PEX13: variants seen among roughly 807,000 people sequenced by gnomAD.
PEX13 encodes the protein peroxisome biogenesis factor 13.
In PEX13, 28 loss-of-function variants were observed where a neutral mutation model predicts 34.5. The ratio of observed to expected loss-of-function variants is 0.81; its 90% confidence interval spans 0.60 to 1.11. PEX13 has a LOEUF of 1.11. PEX13 is among the 50% of genes most tolerant of loss of function. The probability of loss-of-function intolerance (pLI) is 0.00; values close to 1 mark genes in which losing one functional copy is unlikely to be tolerated. For synonymous variants in PEX13, 177 were observed against 175.1 expected (o/e 1.01, Z -0.09); for missense variants, 550 against 491.0 (o/e 1.12, Z -1.13).
chr2:61,048,954 T>C lies in PEX13; in HGVS notation c.*184T>C. 1 of 601,610 alleles carries C rather than the reference T, an allele frequency of 1.7e-6. No individual in the cohort carries two copies. 37.3% of individuals were successfully genotyped at this position (601,610 alleles called of 1,614,324 possible). ...GGTCTGGTGACCTGGTTACATTTTA[T>C]TATACACATTATTGGACCATAAGGA... On this transcript the variant is annotated 3_prime_UTR_variant, in exon 4 of 4. Coordinates refer to ENST00000295030, the MANE Select transcript of PEX13 (RefSeq NM_002618.4).
rs1230577110 is a variant in PEX13 at position 61,023,424 on chromosome 2, CACACAT to C, written c.92+5575_92+5580del. Among the ~76,000 whole-genome samples, 455 of 151,406 alleles carry C rather than the reference CACACAT, an allele frequency of 3.0e-3. 1 individual carries two copies. Among genetic ancestry groups the C allele is most frequent in the African/African-American group, 0.011 (440 of 40,950 alleles). Reference sequence around the variant, plus strand: ...ACAGACACACACACACACACACACACACACATATTTTTTTTTTCTTCCTGCTTAGTA... The same window carrying C: ...ACAGACACACACACACACACACACACATTTTTTTTTTCTTCCTGCTTAGTA... On this transcript the variant is annotated intron_variant, in intron 1 of 3. Transcript: ENST00000295030.
chr2:61,025,569 G>A (rs1426763876), intron 1 of PEX13, among the ~76,000 whole-genome samples: 1 of 152,076 alleles, frequency 6.6e-6, no homozygotes, highest in African/African-American at 2.4e-5. Flanking sequence ...ATGCTGGACA[G>A]GCTGGTCTCA....
intron 3 of PEX13, among the ~76,000 whole-genome samples, chr2:61,046,667 A>T (rs996272066): frequency 5.3e-5 from 8 of 152,222 alleles, no homozygotes. Context: ...GAGACTCAGA[A>T]TAAGTAAATT....
At chr2:61,019,555 C>A (rs1211046061) in intron 1 of PEX13, among the ~76,000 whole-genome samples, 1 of 152,106 alleles carries the variant, frequency 6.6e-6, no homozygotes, top group Non-Finnish European at 1.5e-5. Context: ...TTTTCATTTG[C>A]ATTTAATCCA....
intron 2 of PEX13, among the ~76,000 whole-genome samples, chr2:61,033,241 G>A (rs1465848248): frequency 6.6e-6 from 1 of 152,078 alleles, no homozygotes; most frequent in East Asian, 1.9e-4. Flanking sequence ...TTATTAATTT[G>A]GGGGCATCAG....
intron 2 of PEX13, among the ~76,000 whole-genome samples, chr2:61,037,701 A>G (rs1007108660): frequency 6.6e-6 from 1 of 152,232 alleles, no homozygotes; most frequent in African/African-American, 2.4e-5. Context: ...AATTAAAAGA[A>G]CTAGAGAAGC....
At chr2:61,034,090 G>A (rs1680495588) in intron 2 of PEX13, among the ~76,000 whole-genome samples, 1 of 152,098 alleles carries the variant, frequency 6.6e-6, no homozygotes, top group Admixed American at 6.5e-5. Flanking sequence ...TCCACCTCCT[G>A]GGTTAAAGCA....
chr2:61,049,459 C>A lies in PEX13; in HGVS notation c.*689C>A, dbSNP rs1180330743. On this transcript the variant is annotated 3_prime_UTR_variant, in exon 4 of 4. Coordinates refer to ENST00000295030, the MANE Select transcript of PEX13 (RefSeq NM_002618.4). The stretch of plus-strand genomic sequence containing the variant: ...ATCTTTCTTACAAACTGTTCCATTT[C>A]TTCTAAGGATCCCTTAATTATTTAT... The A allele has an allele frequency of 6.6e-6, 1 of 152,380 alleles. No individual in the cohort carries two copies. Among genetic ancestry groups the A allele is most frequent in the Non-Finnish European group, 1.5e-5 (1 of 68,102 alleles). The allele number at this position is 152,380 out of a possible 1,614,324, so 9.4% of individuals were successfully genotyped here.
intron 2 of PEX13, among the ~76,000 whole-genome samples, chr2:61,044,776 A>G (rs1680680255): frequency 6.6e-6 from 1 of 152,168 alleles, no homozygotes; most frequent in South Asian, 2.1e-4. Flanking sequence ...ACAACACCTA[A>G]TACAGTTTGA....
At position 61,048,635 on chromosome 2, in the gene PEX13, A is replaced by G. The variant is rs1308258330; in HGVS notation, c.1077A>G (p.Thr359=). The G allele has an allele frequency of 6.2e-7, 1 of 1,614,120 alleles. No individual in the cohort carries two copies. The highest frequency in any genetic ancestry group is 1.7e-5 in the Admixed American group (1 of 60,016). ...SKQQQSFTNP[T]LTKGATVADS... ...AGCAACAATCTTTTACCAACCCAAC[A>G]CTAACTAAAGGAGCCACGGTTGCTG... The change falls in exon 4 of 4, where the codon ACA becomes ACG. Residue 359 remains threonine, a synonymous_variant. Coordinates refer to ENST00000295030, the MANE Select transcript of PEX13 (RefSeq NM_002618.4).
chr2:61,017,892 G>T (rs1471428715), intron 1 of PEX13, 41 bp downstream of exon 1: 2 of 1,533,232 alleles, frequency 1.3e-6, no homozygotes, highest in Admixed American at 3.9e-5. Context: ...TAGTGGGCCC[G>T]AGCGGGGACT....
Position 61,049,104 on chromosome 2 carries a change from A to G in PEX13, c.*334A>G. The G allele has an allele frequency of 1.2e-5, 3 of 254,438 alleles. No homozygotes were observed. Among genetic ancestry groups the G allele is most frequent in the Non-Finnish European group, 2.3e-5 (3 of 130,850 alleles). 15.8% of individuals were successfully genotyped at this position (254,438 alleles called of 1,614,324 possible). A position where few individuals can be genotyped will look rare whatever the true frequency, so the allele number is the denominator to read the frequency against. ...GCATGCACAGTTTGGTACAGTAGAG[A>G]TCATTAATACTTTTAAAAGTTCTGC... On this transcript the variant is annotated 3_prime_UTR_variant, in exon 4 of 4. Coordinates refer to ENST00000295030, the MANE Select transcript of PEX13 (RefSeq NM_002618.4).
intron 1 of PEX13, among the ~76,000 whole-genome samples, chr2:61,020,374 A>G (rs1680234726): frequency 6.6e-6 from 1 of 151,068 alleles, no homozygotes; most frequent in Non-Finnish European, 1.5e-5. Flanking sequence ...ATTAACTGGT[A>G]TGGCAGAATG....
chr2:61,032,133 A>G lies in PEX13; in HGVS notation c.787+20A>G. The G allele has an allele frequency of 6.7e-7, 1 of 1,494,006 alleles. No individual in the cohort carries two copies. Among genetic ancestry groups the G allele is most frequent in the South Asian group, 1.1e-5 (1 of 88,546 alleles). 92.5% of individuals were successfully genotyped at this position (1,494,006 alleles called of 1,614,324 possible). A position where few individuals can be genotyped will look rare whatever the true frequency, so the allele number is the denominator to read the frequency against. On this transcript the variant is annotated intron_variant, in intron 2 of 3. Transcript: ENST00000295030. The stretch of plus-strand genomic sequence containing the variant: ...TAACAGGTAAGAGAACTGTAAGGGA[A>G]CAGGTTCAGATACCATATAACAATC...
At chr2:61,035,151 A>G (rs373807124) in intron 2 of PEX13, among the ~76,000 whole-genome samples, 7 of 152,156 alleles carry the variant, frequency 4.6e-5, no homozygotes, top group South Asian at 2.1e-4. Context: ...TTGCTGTTCT[A>G]CAGCCTCTGC....
At chr2:61,044,072 C>T (rs1190815389) in intron 2 of PEX13, among the ~76,000 whole-genome samples, 1 of 151,962 alleles carries the variant, frequency 6.6e-6, no homozygotes, top group East Asian at 1.9e-4. Flanking sequence ...ACCTCAGCTT[C>T]CCAAGTAGCT....
intron 1 of PEX13, among the ~76,000 whole-genome samples, chr2:61,019,331 C>A (rs1390192595): frequency 6.6e-6 from 1 of 151,888 alleles, no homozygotes; most frequent in Non-Finnish European, 1.5e-5. Context: ...TATTGTTAAA[C>A]TAATCCTTTT....
At chr2:61,026,214 C>T (rs1307829275) in intron 1 of PEX13, among the ~76,000 whole-genome samples, 1 of 152,074 alleles carries the variant, frequency 6.6e-6, no homozygotes, top group Non-Finnish European at 1.5e-5. Context: ...ATTACCTCGA[C>T]AACCATTACT....
chr2:61,027,356 AAC>A (rs369806426), intron 1 of PEX13, among the ~76,000 whole-genome samples: 5 of 150,254 alleles, frequency 3.3e-5, no homozygotes, highest in South Asian at 2.1e-4. Context: ...AAAAAAACAA[AAC>A]ACACACACAC....
Sources: allele counts gnomAD v4.1 joint callset (sites outside exome capture counted in the v4.1 genomes callset), GRCh38; gene constraint gnomAD v4.1.1; transcripts MANE v1.5; gene names NCBI Gene and HGNC (gene_info 2026-07-23, HGNC 2026-07-21).